The following HPSE2 variants were observed in gnomAD, a reference collection of about 807,000 sequenced individuals.
HPSE2 encodes heparanase 2 (inactive), also known as inactive heparanase-2.
In HPSE2, 38 loss-of-function variants were observed where a neutral mutation model predicts 60.5. The observed-to-expected ratio is 0.63, with a 90% CI of 0.48 to 0.82. The LOEUF (loss-of-function observed/expected upper bound fraction) is 0.82, where lower values mean the gene tolerates loss of function less well. Among genes scored for constraint, HPSE2 ranks in the 40% least tolerant of loss-of-function variants. The pLI, the probability that HPSE2 is intolerant of heterozygous loss-of-function variation, is 0.00. For missense variants in HPSE2, 713 were observed against 740.4 expected, an observed-to-expected ratio of 0.96 and a Z score of 0.43; for synonymous variants, 295 against 293.2, an observed-to-expected ratio of 1.01 and a Z score of -0.06.
intron 3 of HPSE2, among the ~76,000 whole-genome samples, chr10:98,991,308 G>A (rs1212487002): frequency 6.6e-6 from 1 of 152,120 alleles, no homozygotes; most frequent in African/African-American, 2.4e-5. Context: ...CCAGGAAAAA[G>A]CCTCTCTGAT....
At chr10:99,103,098 C>T (rs1047491248) in intron 3 of HPSE2, among the ~76,000 whole-genome samples, 1 of 152,196 alleles carries the variant, frequency 6.6e-6, no homozygotes, top group Non-Finnish European at 1.5e-5. Context: ...TTTCTCACCC[C>T]TCCTAGTCAA....
chr10:98,801,598 A>G (rs1950909192), intron 3 of HPSE2, among the ~76,000 whole-genome samples: 2 of 152,180 alleles, frequency 1.3e-5, no homozygotes, highest in African/African-American at 4.8e-5. Flanking sequence ...TCCCATGTAC[A>G]TTAGCCACAA....
At chr10:98,792,721 T>G (rs898288424) in intron 3 of HPSE2, among the ~76,000 whole-genome samples, 2 of 151,676 alleles carry the variant, frequency 1.3e-5, no homozygotes, top group African/African-American at 2.4e-5. Context: ...CTCCAACCAA[T>G]TGTACAAAGG....
the HPSE2 span, among the ~76,000 whole-genome samples, chr10:99,266,501 A>G: frequency 6.6e-6 from 1 of 152,094 alleles, no homozygotes; most frequent in Non-Finnish European, 1.5e-5. Context: ...GCCCTACCCA[A>G]GGAGAGTCTC....
intron 9 of HPSE2, among the ~76,000 whole-genome samples, chr10:98,510,484 T>G (rs1942353129): frequency 6.6e-6 from 1 of 152,192 alleles, no homozygotes; most frequent in Non-Finnish European, 1.5e-5. Context: ...GAGTGTGCAC[T>G]GCTAGGCCAG....
At chr10:99,214,075 T>C (rs11190021) in intron 2 of HPSE2, among the ~76,000 whole-genome samples, 8,845 of 152,188 alleles carry the variant, frequency 0.058, 356 homozygotes, top group Non-Finnish European at 0.087. Context: ...CAAAAGAAGA[T>C]CTACAAATGG....
chr10:98,661,457 T>C (rs75376494), intron 6 of HPSE2, among the ~76,000 whole-genome samples: 1 of 152,204 alleles, frequency 6.6e-6, no homozygotes, highest in Non-Finnish European at 1.5e-5. Flanking sequence ...TGACTTTATT[T>C]CCCTCCTTGG....
At chr10:99,031,934 G>A (rs1278894083) in intron 3 of HPSE2, among the ~76,000 whole-genome samples, 1 of 152,104 alleles carries the variant, frequency 6.6e-6, no homozygotes, top group Non-Finnish European at 1.5e-5. Flanking sequence ...AGGGATTTTT[G>A]TTCCTGGGAT....
intron 3 of HPSE2, among the ~76,000 whole-genome samples, chr10:98,872,959 G>A (rs1211023787): frequency 3.3e-5 from 5 of 152,056 alleles, no homozygotes; most frequent in East Asian, 1.9e-4. Context: ...TGTGGCTTCC[G>A]TTGAAGGGAC....
intron 9 of HPSE2, among the ~76,000 whole-genome samples, chr10:98,517,187 T>C (rs990896981): frequency 1.6e-5 from 2 of 122,996 alleles, no homozygotes; most frequent in Non-Finnish European, 3.6e-5. Context: ...CAATTCTCTG[T>C]TGGGTGTGGG....
chr10:98,965,677 C>A (rs997378138), intron 3 of HPSE2, among the ~76,000 whole-genome samples: 4 of 152,158 alleles, frequency 2.6e-5, no homozygotes, highest in African/African-American at 7.2e-5. Flanking sequence ...AACCTACCTA[C>A]TCTATGAAGT....
intron 2 of HPSE2, among the ~76,000 whole-genome samples, chr10:99,185,134 G>A (rs1394144070): frequency 6.6e-6 from 1 of 150,880 alleles, no homozygotes; most frequent in Non-Finnish European, 1.5e-5. Flanking sequence ...GCCCTGTCTC[G>A]ACTAAATATA....
At chr10:98,694,299 C>A (rs1393338217) in intron 5 of HPSE2, among the ~76,000 whole-genome samples, 1 of 152,182 alleles carries the variant, frequency 6.6e-6, no homozygotes, top group Non-Finnish European at 1.5e-5. Flanking sequence ...TCTAAGGACT[C>A]CAATCTCTGC....
chr10:98,972,680 C>G (rs1955986398), intron 3 of HPSE2, among the ~76,000 whole-genome samples: 1 of 152,124 alleles, frequency 6.6e-6, no homozygotes, highest in Admixed American at 6.5e-5. Context: ...TTGCTACTGT[C>G]TTTCCTTATT....
chr10:98,533,566 G>T (rs1943193508), intron 9 of HPSE2, among the ~76,000 whole-genome samples: 7 of 152,114 alleles, frequency 4.6e-5, no homozygotes, highest in Admixed American at 4.6e-4. Context: ...TGAAATTAGG[G>T]TCTGATTTTT....
intron 3 of HPSE2, among the ~76,000 whole-genome samples, chr10:99,070,938 A>G (rs75856425): frequency 6.6e-6 from 1 of 152,190 alleles, no homozygotes; most frequent in African/African-American, 2.4e-5. Context: ...GTGTTTCCAC[A>G]TCTGTTGTTG....
chr10:99,232,242 CACA>C, intron 2 of HPSE2, 103 bp downstream of exon 2: 1 of 1,332,260 alleles, frequency 7.5e-7, no homozygotes, highest in Non-Finnish European at 1.1e-6. Context: ...CACACACACA[CACA>C]CACACACACA....
chr10:98,899,033 T>A (rs1953581520), intron 3 of HPSE2, among the ~76,000 whole-genome samples: 1 of 152,202 alleles, frequency 6.6e-6, no homozygotes, highest in Non-Finnish European at 1.5e-5. Flanking sequence ...TCCAAAAGTA[T>A]ACAAAAACTA....
chr10:98,999,961 A>C (rs189659620), intron 3 of HPSE2, among the ~76,000 whole-genome samples: 33 of 152,314 alleles, frequency 2.2e-4, no homozygotes, highest in Middle Eastern at 3.4e-3. Flanking sequence ...GTGGAGAAAG[A>C]ATAGAGAAAC....
Sources: allele counts gnomAD v4.1 joint callset (sites outside exome capture counted in the v4.1 genomes callset), GRCh38; gene constraint gnomAD v4.1.1; transcripts MANE v1.5; gene names NCBI Gene and HGNC (gene_info 2026-07-23, HGNC 2026-07-21).